The following HSF5 variants were observed in gnomAD, a reference collection of about 807,000 sequenced individuals.
The protein encoded by HSF5 is heat shock factor protein 5.
A neutral mutation model predicts 50.8 loss-of-function variants in HSF5; 5 were observed. That is an observed-to-expected ratio of 0.10 (90% CI 0.05 to 0.21). HSF5 has a LOEUF of 0.21. Ranked by LOEUF, HSF5 falls within the 10% of genes least tolerant of loss-of-function variation. The pLI, the probability that HSF5 is intolerant of heterozygous loss-of-function variation, is 1.00. For missense variants in HSF5, 564 were observed against 762.6 expected, an observed-to-expected ratio of 0.74 and a Z score of 3.07; for synonymous variants, 307 against 307.4, an observed-to-expected ratio of 1.00 and a Z score of 0.02.
At chr17:58,464,784 C>T (rs896560270) in intron 3 of HSF5, among the ~76,000 whole-genome samples, 1 of 152,136 alleles carries the variant, frequency 6.6e-6, no homozygotes, top group Non-Finnish European at 1.5e-5. Flanking sequence ...AAGCGCCCAC[C>T]ACCATGCCCA....
chr17:58,422,694 CTTTT>C (rs34142135), intron 5 of HSF5, among the ~76,000 whole-genome samples: 9 of 125,192 alleles, frequency 7.2e-5, no homozygotes, highest in African/African-American at 1.8e-4. Flanking sequence ...CCTCAGTTGC[CTTTT>C]TTTTTTTTTT....
chr17:58,479,971 G>T lies in HSF5; in HGVS notation c.847C>A (p.Gln283Lys). 6.2e-7 allele frequency: 1 copy of T among 1,614,098 alleles called. No individual in the cohort carries two copies. The highest frequency in any genetic ancestry group is 8.5e-7 in the Non-Finnish European group (1 of 1,179,982). The change falls in exon 2 of 6, where the codon CAA (glutamine) becomes AAA (lysine). Residue 283 changes from glutamine to lysine, a missense_variant. Physicochemically the swap from Gln to Lys is moderately conservative, Grantham distance 53. Around this residue, in one of 5 missense-constraint regions of HSF5, gnomAD observed 441 missense variants for 533.6 expected, o/e 0.83. Transcript: ENST00000323777. Reference protein sequence around the residue: ...TTSVHVQQGPQTMVSSSQKYS... With the variant: ...TTSVHVQQGPKTMVSSSQKYS... ...TTTTGGGAGGAGCTGACCATTGTTT[G>T]AGGACCTTGTTGAACATGTACAGAT...
chr17:58,454,462 A>C (rs1250997162), intron 5 of HSF5, among the ~76,000 whole-genome samples: 1 of 152,150 alleles, frequency 6.6e-6, no homozygotes, highest in Non-Finnish European at 1.5e-5. Context: ...TTTATTCAAC[A>C]CAGTACTGGA....
intron 2 of HSF5, among the ~76,000 whole-genome samples, chr17:58,475,683 T>C (rs574340305): frequency 6.6e-6 from 1 of 152,332 alleles, no homozygotes; most frequent in South Asian, 2.1e-4. Context: ...GTTTTGTTTT[T>C]TAACAAGAGA....
chr17:58,488,371 G>A lies in HSF5; in HGVS notation c.-97C>T, dbSNP rs1975227134. On this transcript the variant is annotated 5_prime_UTR_variant, in exon 1 of 6. Coordinates refer to ENST00000323777, the MANE Select transcript of HSF5 (RefSeq NM_001080439.3). This position sits in a 1 kb window ranked among gnomAD's most constrained non-coding sequence, Gnocchi z 4.1. ...TCGCCTCGCCCTGCCCGCTCCTGCC[G>A]GCGCCCATCCGCCGCGTACCAGGGA... 12 of 1,334,970 alleles carry A rather than the reference G, an allele frequency of 9.0e-6. No homozygotes were observed. Among genetic ancestry groups the A allele is most frequent in the Middle Eastern group, 4.6e-4 (2 of 4,348 alleles). 82.7% of individuals were successfully genotyped at this position (1,334,970 alleles called of 1,614,324 possible). A position where few individuals can be genotyped will look rare whatever the true frequency, so the allele number is the denominator to read the frequency against.
At chr17:58,441,086 A>C (rs1403557401) in intron 5 of HSF5, among the ~76,000 whole-genome samples, 1 of 152,242 alleles carries the variant, frequency 6.6e-6, no homozygotes, top group Non-Finnish European at 1.5e-5. Context: ...ATTCACCAAG[A>C]TAGACCATAC....
At chr17:58,450,653 T>C (rs1974627261) in intron 5 of HSF5, among the ~76,000 whole-genome samples, 2 of 149,714 alleles carry the variant, frequency 1.3e-5, no homozygotes, top group African/African-American at 4.9e-5. Context: ...CTTGGGAGGC[T>C]GAGGCAGGAG....
intron 5 of HSF5, among the ~76,000 whole-genome samples, chr17:58,448,377 C>T (rs1974590035): frequency 6.6e-6 from 1 of 151,962 alleles, no homozygotes; most frequent in East Asian, 1.9e-4. Context: ...TATTCAGGTA[C>T]AAGAAGGTCA....
chr17:58,469,528 T>C (rs1227106169), intron 2 of HSF5, among the ~76,000 whole-genome samples: 3 of 152,202 alleles, frequency 2.0e-5, no homozygotes, highest in East Asian at 1.9e-4. Context: ...GATTCCTCAA[T>C]GGCTATTCCT....
chr17:58,423,385 G>A (rs1316254910), intron 5 of HSF5, among the ~76,000 whole-genome samples: 3 of 151,512 alleles, frequency 2.0e-5, no homozygotes, highest in Non-Finnish European at 4.4e-5. Flanking sequence ...GAGCTAAAAC[G>A]TCTATAGAGG....
At chr17:58,445,129 G>C (rs1280712641) in intron 5 of HSF5, among the ~76,000 whole-genome samples, 1 of 152,178 alleles carries the variant, frequency 6.6e-6, no homozygotes, top group African/African-American at 2.4e-5. Context: ...TGGGGATGTG[G>C]AGAAATTAAA....
intron 5 of HSF5, among the ~76,000 whole-genome samples, chr17:58,423,008 T>C (rs894104202): frequency 6.6e-6 from 1 of 152,172 alleles, no homozygotes; most frequent in Non-Finnish European, 1.5e-5. Context: ...CAATTGCCTT[T>C]TATTGTAAGT....
Position 58,488,107 on chromosome 17 carries a change from C to T in HSF5, c.168G>A (p.Pro56=). ...CCCCCGCAGTCCCGCCACCGCCCCC[C>T]GGCCCGGGCGGGCTGAGCAGCTCGG... The part of the protein sequence containing the change: ...FEAELLSPPG[P]GGGGGTAGAG... Residue 56 remains proline (P), a synonymous_variant, in exon 1 of 6, where the codon CCG becomes CCA. Transcript: ENST00000323777. The surrounding 1 kb of genome is among the most constrained non-coding windows in gnomAD (Gnocchi z 4.1). 2 of 1,572,066 alleles carry T rather than the reference C, an allele frequency of 1.3e-6. No individual in the cohort carries two copies. The highest frequency in any genetic ancestry group is 1.7e-6 in the Non-Finnish European group (2 of 1,167,188).
intron 1 of HSF5, among the ~76,000 whole-genome samples, 163 bp downstream of exon 1, chr17:58,487,562 G>T (rs1416733604): frequency 6.6e-6 from 1 of 152,242 alleles, no homozygotes; most frequent in Non-Finnish European, 1.5e-5. Flanking sequence ...AACGGCGGCG[G>T]TGGCGGGACC....
Position 58,463,118 on chromosome 17 carries a change from T to C in HSF5, c.1206A>G (p.Thr402=). 6.2e-7 allele frequency: 1 copy of C among 1,614,232 alleles called. No individual in the cohort carries two copies. The highest frequency in any genetic ancestry group is 8.5e-7 in the Non-Finnish European group (1 of 1,180,032). Reference sequence around the variant, plus strand: ...TGTGTTGGCCTCTGTAAGACGGAGATGTTGGGCACTGATTCTCAACAGGCT... The same window carrying C: ...TGTGTTGGCCTCTGTAAGACGGAGACGTTGGGCACTGATTCTCAACAGGCT... ...KVEPVENQCP[T]SPSYRGQHIL... Residue 402 remains threonine, a synonymous_variant, in exon 4 of 6, where the codon ACA becomes ACG. Transcript: ENST00000323777.
At chr17:58,470,798 C>T (rs142683592) in intron 2 of HSF5, among the ~76,000 whole-genome samples, 2,192 of 152,096 alleles carry the variant, frequency 0.014, 21 homozygotes, top group Non-Finnish European at 0.022. Flanking sequence ...TGGTGGTGCA[C>T]GCCTGTAGCC....
At chr17:58,460,506 C>CAT (rs1220239332) in intron 4 of HSF5, among the ~76,000 whole-genome samples, 1 of 128,296 alleles carries the variant, frequency 7.8e-6, no homozygotes, top group African/African-American at 3.0e-5. Context: ...CACACACACA[C>CAT]ACACATACTT....
chr17:58,435,128 G>A (rs968944097), intron 5 of HSF5, among the ~76,000 whole-genome samples: 1 of 152,222 alleles, frequency 6.6e-6, no homozygotes, highest in East Asian at 1.9e-4. Context: ...CGAATGAAGA[G>A]AGAGGAGGAG....
intron 5 of HSF5, among the ~76,000 whole-genome samples, chr17:58,442,804 C>T (rs1974515647): frequency 6.6e-6 from 1 of 151,544 alleles, no homozygotes; most frequent in Admixed American, 6.6e-5. Flanking sequence ...GTGGTGCCAT[C>T]TCTGCTCACT....
Sources: allele counts gnomAD v4.1 joint callset (sites outside exome capture counted in the v4.1 genomes callset), GRCh38; gene constraint gnomAD v4.1.1; regional missense constraint gnomAD v4.1.1; non-coding constraint Gnocchi (gnomAD v3.1); transcripts MANE v1.5; gene names NCBI Gene and HGNC (gene_info 2026-07-23, HGNC 2026-07-21).